The following PPP2R5B variants were observed in gnomAD, a reference collection of about 807,000 sequenced individuals.
PPP2R5B encodes protein phosphatase 2 regulatory subunit B'beta.
Under a neutral mutation model 59.9 loss-of-function variants are expected in PPP2R5B, and 19 were observed. The observed-to-expected ratio is 0.32, with a 90% confidence interval of 0.22 to 0.47. PPP2R5B has a LOEUF of 0.47. PPP2R5B is among the 20% of genes least tolerant of loss of function. The probability of loss-of-function intolerance (pLI) is 1.00; values close to 1 mark genes in which losing one functional copy is unlikely to be tolerated. For missense variants in PPP2R5B, 441 were observed against 640.2 expected (o/e 0.69, Z 3.36); for synonymous variants, 286 against 260.5 (o/e 1.10, Z -0.94).
intron 6 of PPP2R5B, among the ~76,000 whole-genome samples, chr11:64,930,045 G>A (rs534243630): frequency 1.3e-5 from 2 of 152,326 alleles, no homozygotes; most frequent in South Asian, 4.1e-4. Flanking sequence ...CGGAGTAGAT[G>A]TGCTAAGTGT....
At chr11:64,928,580 C>G (rs1356890362) in intron 6 of PPP2R5B, among the ~76,000 whole-genome samples, 155 bp downstream of exon 6, 1 of 152,194 alleles carries the variant, frequency 6.6e-6, no homozygotes, top group Non-Finnish European at 1.5e-5. Context: ...AGTTTGAGAC[C>G]AACCTGGCCA....
rs563360782 is a variant in PPP2R5B, at chr11:64,933,859, G to A, written c.*15G>A. On this transcript the variant is annotated 3_prime_UTR_variant, in exon 14 of 14. Transcript: ENST00000164133. ...GTCAGAGCTAGACAGCACCTCAGAA[G>A]GGGAAAAGCTAAACCCAGAGCTGTC... 2 of 1,510,954 alleles carry A rather than the reference G, an allele frequency of 1.3e-6. No individual in the cohort carries two copies. The highest frequency in any genetic ancestry group is 2.5e-5 in the East Asian group (1 of 40,504). 93.6% of individuals were successfully genotyped at this position (1,510,954 alleles called of 1,614,324 possible). A position where few individuals can be genotyped will look rare whatever the true frequency, so the allele number is the denominator to read the frequency against.
intron 11 of PPP2R5B, among the ~76,000 whole-genome samples, chr11:64,932,075 ACT>A (rs1215041430): frequency 6.6e-6 from 1 of 152,042 alleles, no homozygotes; most frequent in Non-Finnish European, 1.5e-5. Flanking sequence ...TCACTGCACC[ACT>A]CTGATTCTGA....
chr11:64,932,130 A>G (rs1398734010), intron 11 of PPP2R5B, among the ~76,000 whole-genome samples: 2 of 152,210 alleles, frequency 1.3e-5, no homozygotes, highest in Non-Finnish European at 2.9e-5. Flanking sequence ...ACCTCTTCAC[A>G]GGGTGGGGAT....
chr11:64,933,685 C>G lies in PPP2R5B; in HGVS notation c.1347-12C>G. Reference sequence around the variant, plus strand: ...CCCCAGGAAAGGGAGCTGCCTCACCCTCTCTCCCCAGGGAGCAGCAGAAGG... The same window carrying G: ...CCCCAGGAAAGGGAGCTGCCTCACCGTCTCTCCCCAGGGAGCAGCAGAAGG... On this transcript the variant is annotated splice_polypyrimidine_tract_variant and intron_variant, in intron 13 of 13. Transcript: ENST00000164133. 6.5e-7 allele frequency: 1 copy of G among 1,547,566 alleles called. No individual in the cohort carries two copies.
chr11:64,927,366 T>C (rs1035557471), intron 3 of PPP2R5B, among the ~76,000 whole-genome samples: 65 of 152,288 alleles, frequency 4.3e-4, no homozygotes, highest in African/African-American at 1.5e-3. Context: ...CAGGTGATGA[T>C]TGCCCAAGGA....
At chr11:64,930,296 A>G in intron 6 of PPP2R5B, 26 bp from the exon 7 acceptor site, 1 of 1,613,478 alleles carries the variant, frequency 6.2e-7, no homozygotes, top group Non-Finnish European at 8.5e-7. Flanking sequence ...GCTTGCTTTG[A>G]GCCCACCTGC....
chr11:64,928,171 G>C lies in PPP2R5B; in HGVS notation c.591+13G>C, dbSNP rs774561354. Reference sequence around the variant, plus strand: ...GTTTGTCCTGATGGTGAAGTGGGGAGCCCAGGCTGGGTGGTACCACAAGGC... The same window carrying C: ...GTTTGTCCTGATGGTGAAGTGGGGACCCCAGGCTGGGTGGTACCACAAGGC... On this transcript the variant is annotated intron_variant, in intron 5 of 13. Transcript: ENST00000164133. 1.2e-6 allele frequency: 2 copies of C among 1,613,976 alleles called. No individual in the cohort carries two copies. Among genetic ancestry groups the C allele is most frequent in the Admixed American group, 3.3e-5 (2 of 60,014 alleles).
upstream of PPP2R5B, among the ~76,000 whole-genome samples, chr11:64,921,172 T>A (rs1945107190): frequency 6.6e-6 from 1 of 151,254 alleles, no homozygotes; most frequent in African/African-American, 2.4e-5. Context: ...CCCAGGCTGG[T>A]CTTGAACTCT....
chr11:64,933,080 G>A, intron 12 of PPP2R5B, 65 bp from the exon 13 acceptor site: 1 of 1,515,350 alleles, frequency 6.6e-7, no homozygotes, highest in East Asian at 2.3e-5. Flanking sequence ...GTGAAGGGCA[G>A]GGAAAGGGAG....
chr11:64,921,415 G>A (rs987020530), upstream of PPP2R5B, among the ~76,000 whole-genome samples: 1 of 152,142 alleles, frequency 6.6e-6, no homozygotes, highest in African/African-American at 2.4e-5. Context: ...TGCCCAGGCC[G>A]GGGGGCATCC....
chr11:64,928,543 G>T, intron 6 of PPP2R5B, 118 bp downstream of exon 6: 2 of 1,456,536 alleles, frequency 1.4e-6, no homozygotes, highest in Non-Finnish European at 1.9e-6. Flanking sequence ...TTGGGAGGCC[G>T]AGGTGGGTGG....
chr11:64,931,755 T>C lies in PPP2R5B; in HGVS notation c.1003T>C (p.Phe335Leu). The C allele has an allele frequency of 6.2e-7, 1 of 1,613,938 alleles. No homozygotes were observed. The highest frequency in any genetic ancestry group is 8.5e-7 in the Non-Finnish European group (1 of 1,179,898). The change falls in exon 11 of 14, where the codon TTT becomes CTT. Residue 335 changes from phenylalanine (F) to leucine (L), a missense_variant. Around this residue, in one of 3 missense-constraint regions of PPP2R5B, gnomAD observed 268 missense variants for 488.1 expected, o/e 0.55. Coordinates refer to ENST00000164133, the MANE Select transcript of PPP2R5B (RefSeq NM_006244.4). This position sits in a 1 kb window ranked among gnomAD's most constrained non-coding sequence, Gnocchi z 5.0. ...PKTCTQKEVM[F>L]LGEMEEILDV... ...CCCTCCCCAACCCACCCAGGTGATG[T>C]TTCTGGGGGAGATGGAAGAGATTCT...
upstream of PPP2R5B, among the ~76,000 whole-genome samples, chr11:64,923,283 C>G (rs1367631475): frequency 6.6e-6 from 1 of 152,236 alleles, no homozygotes; most frequent in African/African-American, 2.4e-5. Flanking sequence ...CTGTGTGACA[C>G]TGGGCAAGGC....
At position 64,926,609 on chromosome 11, in the gene PPP2R5B, G is replaced by T. The variant is rs1337800011; in HGVS notation, c.200-103G>T. On this transcript the variant is annotated intron_variant, in intron 2 of 13. Coordinates refer to ENST00000164133, the MANE Select transcript of PPP2R5B (RefSeq NM_006244.4). ...GATGGCACAAGAGCATGGGGCCTGG[G>T]GGCAGCAGAGGCAGCCGTGGAGATT... The T allele has an allele frequency of 2.4e-6, 3 of 1,263,358 alleles. No individual in the cohort carries two copies. The East Asian group carries it at 7.1e-5, about 30-fold the overall frequency. The allele number at this position is 1,263,358 out of a possible 1,614,324, so 78.3% of individuals were successfully genotyped here.
chr11:64,926,878 C>G lies in PPP2R5B; in HGVS notation c.366C>G (p.Ile122Met). The G allele has an allele frequency of 6.2e-7, 1 of 1,614,148 alleles. No homozygotes were observed. ...TGGGGAGCACCCGGGGTGTCCTCAT[C>G]GAGCCCGTCTACCCAGACATCATCC... ...ECVGSTRGVL[I>M]EPVYPDIIRM... is the part of the protein sequence containing the mutation. Residue 122 changes from isoleucine to methionine, a missense_variant, in exon 3 of 14, where the codon ATC (isoleucine) becomes ATG (methionine). By Grantham distance (10) the Ile-to-Met change is conservative. Around this residue, in one of 3 missense-constraint regions of PPP2R5B, gnomAD observed 268 missense variants for 488.1 expected, o/e 0.55. Coordinates refer to ENST00000164133, the MANE Select transcript of PPP2R5B (RefSeq NM_006244.4).
chr11:64,920,177 T>A (rs1372745824), upstream of PPP2R5B, among the ~76,000 whole-genome samples: 1 of 152,182 alleles, frequency 6.6e-6, no homozygotes, highest in Admixed American at 6.5e-5. Context: ...GTGGTGGGGA[T>A]AGAAGGGGAT....
In PPP2R5B at chr11:64,925,997, G is replaced by A; in HGVS notation, c.199+64G>A. 2 of 1,505,010 alleles carry A rather than the reference G, an allele frequency of 1.3e-6. No homozygotes were observed. Among genetic ancestry groups the A allele is most frequent in the South Asian group, 1.2e-5 (1 of 83,600 alleles). The allele number at this position is 1,505,010 out of a possible 1,614,324, so 93.2% of individuals were successfully genotyped here. A position where few individuals can be genotyped will look rare whatever the true frequency, so the allele number is the denominator to read the frequency against. ...GAGGGGACCAGCAGGGCCATGGGGAGGGGTGGGAGGCAGCGGGCAGCTGCC... is the reference window on the plus strand; with the variant it reads ...GAGGGGACCAGCAGGGCCATGGGGAAGGGTGGGAGGCAGCGGGCAGCTGCC... On this transcript the variant is annotated intron_variant, in intron 2 of 13. Coordinates refer to ENST00000164133, the MANE Select transcript of PPP2R5B (RefSeq NM_006244.4). This position sits in a 1 kb window ranked among gnomAD's most constrained non-coding sequence, Gnocchi z 4.6.
rs1945213583 is a variant in PPP2R5B at position 64,930,226 on chromosome 11, G to C, written c.723-96G>C. 11 of 1,354,088 alleles carry C rather than the reference G, an allele frequency of 8.1e-6. No individual in the cohort carries two copies. In the South Asian group the frequency reaches 1.3e-4, roughly 16 times the overall value. 83.9% of individuals were successfully genotyped at this position (1,354,088 alleles called of 1,614,324 possible). ...TCTGGGTTGGGGGAGAGTTGGATGA[G>C]CGTGCCGTGCAGGTGAGGGTGGGCA... On this transcript the variant is annotated intron_variant, in intron 6 of 13. Coordinates refer to ENST00000164133, the MANE Select transcript of PPP2R5B (RefSeq NM_006244.4).
Sources: gnomAD v4.1 joint callset for allele counts (sites outside exome capture counted in the v4.1 genomes callset) on GRCh38, gnomAD v4.1.1 for gene constraint, gnomAD v4.1.1 regional missense constraint, Gnocchi (gnomAD v3.1) non-coding constraint, MANE v1.5 for transcripts, NCBI Gene and HGNC (gene_info 2026-07-23, HGNC 2026-07-21) for gene names.